The following NRIP1 variants were observed in gnomAD, a reference collection of about 807,000 sequenced individuals.
The protein encoded by NRIP1 is nuclear receptor-interacting protein 1.
Under a neutral mutation model 75.0 loss-of-function variants are expected in NRIP1, and 28 were observed. That is an observed-to-expected ratio of 0.37 (90% CI 0.28 to 0.51). The LOEUF is 0.51. NRIP1 is among the 20% of genes least tolerant of loss of function. The pLI is 0.92. For missense variants in NRIP1, 1,435 were observed against 1,343.7 expected, an observed-to-expected ratio of 1.07 and a Z score of -1.06; for synonymous variants, 526 against 487.6, an observed-to-expected ratio of 1.08 and a Z score of -1.04.
At chr21:15,012,790 A>G (rs1347689882) in intron 3 of NRIP1, among the ~76,000 whole-genome samples, 1 of 151,946 alleles carries the variant, frequency 6.6e-6, no homozygotes, top group Non-Finnish European at 1.5e-5. Flanking sequence ...TAAATTTGAC[A>G]ATTTTCTAAG....
In NRIP1 at chr21:14,968,412, G is replaced by A. The variant is rs1213173454; in HGVS notation, c.-220C>T. On this transcript the variant is annotated 5_prime_UTR_variant, in exon 4 of 4. Coordinates refer to ENST00000318948, the MANE Select transcript of NRIP1 (RefSeq NM_003489.4). Reference sequence around the variant, plus strand: ...CTGATCAACTTCTACGCAAGGAGGAGGAGAAGAATTCCTTAACACATAGGT... The same window carrying A: ...CTGATCAACTTCTACGCAAGGAGGAAGAGAAGAATTCCTTAACACATAGGT... 1.9e-6 allele frequency: 1 copy of A among 516,488 alleles called. No homozygotes were observed. The highest frequency in any genetic ancestry group is 3.5e-6 in the Non-Finnish European group (1 of 285,774). The allele number at this position is 516,488 out of a possible 1,614,324, so 32.0% of individuals were successfully genotyped here. A position where few individuals can be genotyped will look rare whatever the true frequency, so the allele number is the denominator to read the frequency against.
At chr21:15,046,380 A>G (rs1381787914) in intron 1 of NRIP1, among the ~76,000 whole-genome samples, 1 of 152,208 alleles carries the variant, frequency 6.6e-6, no homozygotes, top group African/African-American at 2.4e-5. Flanking sequence ...ATAAACAGTA[A>G]TATTTCGATA....
chr21:15,022,408 A>G (rs1026475325), intron 2 of NRIP1, among the ~76,000 whole-genome samples: 25 of 152,122 alleles, frequency 1.6e-4, no homozygotes, highest in African/African-American at 6.0e-4. Context: ...GGGGAGGGAG[A>G]GCATCAGGAA....
chr21:15,057,636 T>A (rs766946456), intron 1 of NRIP1, among the ~76,000 whole-genome samples: 7 of 152,222 alleles, frequency 4.6e-5, no homozygotes, highest in Non-Finnish European at 8.8e-5. Flanking sequence ...GCAAGGTTTT[T>A]TAACGGCTTC....
intron 3 of NRIP1, among the ~76,000 whole-genome samples, chr21:15,011,978 A>G (rs1281874414): frequency 6.6e-6 from 1 of 152,220 alleles, no homozygotes; most frequent in East Asian, 1.9e-4. Flanking sequence ...TTAGTTTGCA[A>G]TATTCAATTA....
intron 2 of NRIP1, among the ~76,000 whole-genome samples, chr21:15,031,306 A>G (rs1482722916): frequency 1.4e-5 from 2 of 146,058 alleles, no homozygotes; most frequent in Non-Finnish European, 3.0e-5. Flanking sequence ...GGTTCACCAC[A>G]TTCCCTTTCT....
At chr21:15,039,346 G>A (rs7281183) in intron 2 of NRIP1, among the ~76,000 whole-genome samples, 121,361 of 152,014 alleles carry the variant, frequency 0.8, 48,826 homozygotes, top group African/African-American at 0.88. Flanking sequence ...TGATTATGCC[G>A]TTTATTTCTC....
At chr21:15,012,295 A>C (rs2088121874) in intron 3 of NRIP1, among the ~76,000 whole-genome samples, 1 of 152,180 alleles carries the variant, frequency 6.6e-6, no homozygotes, top group Admixed American at 6.5e-5. Context: ...CATATTTAAC[A>C]CAACACGTTT....
intron 3 of NRIP1, among the ~76,000 whole-genome samples, chr21:15,002,827 T>C (rs1008046459): frequency 6.6e-6 from 1 of 152,244 alleles, no homozygotes; most frequent in African/African-American, 2.4e-5. Context: ...CTTAAAAATA[T>C]ATTGTAATAG....
At chr21:15,012,067 A>T (rs2088116367) in intron 3 of NRIP1, among the ~76,000 whole-genome samples, 1 of 152,212 alleles carries the variant, frequency 6.6e-6, no homozygotes, top group South Asian at 2.1e-4. Flanking sequence ...ATATAACATG[A>T]GTGTTTTGCA....
intron 3 of NRIP1, among the ~76,000 whole-genome samples, chr21:15,005,480 G>C (rs2087944743): frequency 6.6e-6 from 1 of 152,128 alleles, no homozygotes; most frequent in African/African-American, 2.4e-5. Flanking sequence ...TGTTGTTGTT[G>C]AATGTCACAG....
intron 3 of NRIP1, among the ~76,000 whole-genome samples, chr21:14,987,790 C>T (rs1197863183): frequency 4.6e-5 from 7 of 152,166 alleles, no homozygotes; most frequent in East Asian, 3.8e-4. Context: ...ATTCTCCTCA[C>T]GGGGTTGGTT....
rs1475455276 is a variant in NRIP1, at chr21:15,014,416, A to T, written c.-407T>A. 1 of 398,298 alleles carries T rather than the reference A, an allele frequency of 2.5e-6. No individual in the cohort carries two copies. Among genetic ancestry groups the T allele is most frequent in the Non-Finnish European group, 4.4e-6 (1 of 225,922 alleles). 24.7% of individuals were successfully genotyped at this position (398,298 alleles called of 1,614,324 possible). ...AGAAGGCTGTTGAAAAGTAGCTCTG[A>T]TGTCATCCGGAGTCTTCAGATTCCC... On this transcript the variant is annotated 5_prime_UTR_variant, in exon 3 of 4. Coordinates refer to ENST00000318948, the MANE Select transcript of NRIP1 (RefSeq NM_003489.4).
intron 3 of NRIP1, among the ~76,000 whole-genome samples, chr21:14,991,013 G>A (rs573174348): frequency 2.6e-5 from 4 of 152,050 alleles, no homozygotes; most frequent in Non-Finnish European, 5.9e-5. Context: ...TTAGGTTGCC[G>A]CATGTCTCTA....
At chr21:15,018,164 A>G (rs1169366890) in intron 2 of NRIP1, among the ~76,000 whole-genome samples, 1 of 152,232 alleles carries the variant, frequency 6.6e-6, no homozygotes, top group Non-Finnish European at 1.5e-5. Context: ...AATATTATAC[A>G]ATCTTTAAAA....
In NRIP1 at chr21:14,965,342, G is replaced by A; in HGVS notation, c.2851C>T (p.Pro951Ser). 1 of 1,613,980 alleles carries A rather than the reference G, an allele frequency of 6.2e-7. No homozygotes were observed. Residue 951 changes from proline (P) to serine (S), a missense_variant, in exon 4 of 4, where the codon CCG (proline) becomes TCG (serine). By Grantham distance (74) the Pro-to-Ser change is moderately conservative. Transcript: ENST00000318948. ...TCAGCCACAGAGTTACTTCTGTGCG[G>A]GGACAAATCTCGCACACAGTTTTCT... ...LSENCVRDLS[P>S]HRSNSVADSK...
At chr21:14,978,281 A>G (rs960001946) in intron 3 of NRIP1, among the ~76,000 whole-genome samples, 2 of 152,238 alleles carry the variant, frequency 1.3e-5, no homozygotes, top group Admixed American at 6.5e-5. Flanking sequence ...GCTGATGAAA[A>G]TGACAAGCAT....
chr21:14,999,414 G>C (rs1417429990), intron 3 of NRIP1, among the ~76,000 whole-genome samples: 2 of 152,148 alleles, frequency 1.3e-5, no homozygotes, highest in Non-Finnish European at 2.9e-5. Context: ...CTGTGTGTAT[G>C]AGTTTGCTTT....
At chr21:14,994,811 C>G (rs966182115) in intron 3 of NRIP1, among the ~76,000 whole-genome samples, 6 of 152,128 alleles carry the variant, frequency 3.9e-5, no homozygotes, top group Admixed American at 1.3e-4. Context: ...ATAATATTAA[C>G]TATTTAACAG....
Sources: allele counts gnomAD v4.1 joint callset (sites outside exome capture counted in the v4.1 genomes callset), GRCh38; gene constraint gnomAD v4.1.1; transcripts MANE v1.5; gene names NCBI Gene and HGNC (gene_info 2026-07-23, HGNC 2026-07-21).